NKAIN1: variants seen among roughly 807,000 people sequenced by gnomAD.
NKAIN1 encodes sodium/potassium transporting ATPase interacting 1, also known as sodium/potassium-transporting ATPase subunit beta-1-interacting protein 1.
A neutral mutation model predicts 31.6 loss-of-function variants in NKAIN1; 13 were observed. The observed-to-expected ratio is 0.41, with a 90% confidence interval of 0.27 to 0.65. NKAIN1 has a LOEUF of 0.65. Among genes scored for constraint, NKAIN1 ranks in the 30% least tolerant of loss-of-function variants. The pLI is 0.30. For missense variants in NKAIN1, 193 were observed against 262.2 expected, an observed-to-expected ratio of 0.74 and a Z score of 1.82; for synonymous variants, 104 against 109.0, an observed-to-expected ratio of 0.95 and a Z score of 0.28.
At chr1:31,202,735 T>C (rs1464921928) in intron 1 of NKAIN1, among the ~76,000 whole-genome samples, 1 of 150,750 alleles carries the variant, frequency 6.6e-6, no homozygotes, top group African/African-American at 2.4e-5. Context: ...TCCCAGCACT[T>C]TGGGAGGCCA....
chr1:31,208,313 T>C (rs866453782), intron 1 of NKAIN1, among the ~76,000 whole-genome samples: 2 of 149,254 alleles, frequency 1.3e-5, no homozygotes, highest in Middle Eastern at 3.4e-3. Flanking sequence ...TGCCATTCTT[T>C]GGTCTCCTCT....
chr1:31,220,384 T>G (rs935499140), intron 1 of NKAIN1, among the ~76,000 whole-genome samples: 1 of 152,020 alleles, frequency 6.6e-6, no homozygotes, highest in Non-Finnish European at 1.5e-5. Flanking sequence ...ACATGATCAC[T>G]GATAGCATCT....
intron 1 of NKAIN1, among the ~76,000 whole-genome samples, chr1:31,218,351 C>T (rs746965109): frequency 4.6e-5 from 7 of 152,100 alleles, no homozygotes; most frequent in African/African-American, 1.2e-4. Flanking sequence ...CATGAGCCAC[C>T]GCACCTGGCC....
chr1:31,186,930 T>A (rs1174213158), intron 2 of NKAIN1, among the ~76,000 whole-genome samples: 4 of 152,256 alleles, frequency 2.6e-5, no homozygotes, highest in Admixed American at 2.6e-4. Context: ...CCCACGGTAG[T>A]GAGCTGGAGA....
rs1645674284 is a variant in NKAIN1, at chr1:31,233,753, C to A, written c.54+5741G>T. Among the ~76,000 whole-genome samples the A allele has an allele frequency of 6.6e-6, 1 of 152,176 alleles. No homozygotes were observed. Among genetic ancestry groups the A allele is most frequent in the Admixed American group, 6.5e-5 (1 of 15,268 alleles). On this transcript the variant is annotated intron_variant, in intron 1 of 6. Coordinates refer to ENST00000373736, the MANE Select transcript of NKAIN1 (RefSeq NM_024522.3). The surrounding 1 kb of genome is among the most constrained non-coding windows in gnomAD (Gnocchi z 4.0). The stretch of plus-strand genomic sequence containing the variant: ...GCAAATCATAGCTAGCCCTGGAGAG[C>A]ACTTTCCTAGGCCAGGGACCGTACT...
intron 1 of NKAIN1, among the ~76,000 whole-genome samples, chr1:31,231,044 A>G (rs1287475886): frequency 6.6e-6 from 1 of 151,394 alleles, no homozygotes; most frequent in Non-Finnish European, 1.5e-5. Flanking sequence ...CACCATGCCC[A>G]GCTAATTTTT....
intron 1 of NKAIN1, among the ~76,000 whole-genome samples, chr1:31,199,874 G>A (rs1173801915): frequency 1.3e-5 from 2 of 152,074 alleles, no homozygotes; most frequent in East Asian, 1.9e-4. Context: ...CAGAGAGCTC[G>A]TCTGGAGACA....
At chr1:31,221,850 G>A (rs1645567412) in intron 1 of NKAIN1, among the ~76,000 whole-genome samples, 1 of 152,022 alleles carries the variant, frequency 6.6e-6, no homozygotes, top group South Asian at 2.1e-4. Context: ...GGTTTAAACA[G>A]AGGCGAGGCA....
In NKAIN1 at chr1:31,236,339, T is replaced by C. The variant is rs117501946; in HGVS notation, c.54+3155A>G. 5.9e-3 allele frequency among the ~76,000 whole-genome samples: 896 copies of C among 152,328 alleles called. 71 individuals are homozygous for C. In the East Asian group the frequency reaches 0.15, roughly 25 times the overall value. ...CACATCTATCCCAACTGAGGAAGAATGTTTCGAATTGGCCTGATTCATTGT... is the reference window on the plus strand; with the variant it reads ...CACATCTATCCCAACTGAGGAAGAACGTTTCGAATTGGCCTGATTCATTGT... On this transcript the variant is annotated intron_variant, in intron 1 of 6. Transcript: ENST00000373736.
intron 1 of NKAIN1, among the ~76,000 whole-genome samples, chr1:31,237,267 A>AT (rs1645699309): frequency 6.6e-6 from 1 of 152,156 alleles, no homozygotes; most frequent in South Asian, 2.1e-4. Flanking sequence ...AAACAAAAAC[A>AT]AAACCCCCAA....
chr1:31,201,360 A>ATTT (rs36022825), intron 1 of NKAIN1, among the ~76,000 whole-genome samples: 9 of 136,184 alleles, frequency 6.6e-5, no homozygotes, highest in Non-Finnish European at 7.7e-5. Flanking sequence ...ATCCTACCCT[A>ATTT]TTTTTTTTTT....
At chr1:31,207,543 G>A (rs1205828652) in intron 1 of NKAIN1, among the ~76,000 whole-genome samples, 1 of 152,100 alleles carries the variant, frequency 6.6e-6, no homozygotes. Flanking sequence ...TTGAGGCCAG[G>A]TGGTATTTCA....
intron 1 of NKAIN1, among the ~76,000 whole-genome samples, chr1:31,201,041 C>A (rs1645376135): frequency 6.6e-6 from 1 of 151,928 alleles, no homozygotes; most frequent in Admixed American, 6.6e-5. Context: ...CCATCTTGGT[C>A]AGGCTCACGC....
chr1:31,191,616 T>C (rs1029299812), intron 1 of NKAIN1, among the ~76,000 whole-genome samples: 7 of 152,102 alleles, frequency 4.6e-5, no homozygotes, highest in African/African-American at 1.7e-4. Flanking sequence ...ACTTGATACA[T>C]AGTGGCTAAT....
At chr1:31,235,011 A>G (rs919019667) in intron 1 of NKAIN1, among the ~76,000 whole-genome samples, 4 of 152,232 alleles carry the variant, frequency 2.6e-5, no homozygotes, top group African/African-American at 9.6e-5. Context: ...GGATGAAAGC[A>G]GTAAAAGAGC....
intron 1 of NKAIN1, among the ~76,000 whole-genome samples, chr1:31,218,868 C>A (rs1344438012): frequency 1.3e-5 from 2 of 152,222 alleles, no homozygotes; most frequent in East Asian, 3.9e-4. Context: ...AGGATGACAG[C>A]TAGCGGCAGC....
chr1:31,220,868 T>C (rs1384211552), intron 1 of NKAIN1, among the ~76,000 whole-genome samples: 1 of 152,062 alleles, frequency 6.6e-6, no homozygotes, highest in Non-Finnish European at 1.5e-5. Context: ...TTGGGGTTCA[T>C]TCAAGCATCA....
chr1:31,211,665 T>C (rs1645470383), intron 1 of NKAIN1, among the ~76,000 whole-genome samples: 1 of 151,606 alleles, frequency 6.6e-6, no homozygotes, highest in Non-Finnish European at 1.5e-5. Context: ...ATGTGGAATC[T>C]TGGCTGGGCA....
Position 31,183,940 on chromosome 1 carries a change from C to T in NKAIN1, c.348G>A (p.Leu116=), listed in dbSNP as rs1645222827. 6.2e-7 allele frequency: 1 copy of T among 1,614,102 alleles called. No individual in the cohort carries two copies. ...GGCGGGAGTTCAGAACAGGTGTCAC[C>T]AGGCAGCCTGGCCCATTCTCCATCC... ...SWWMENGPGC[L]VTPVLNSRLA... Residue 116 remains leucine (L), a synonymous_variant, in exon 4 of 7, where the codon CTG becomes CTA. Transcript: ENST00000373736.
Sources: allele counts gnomAD v4.1 joint callset (sites outside exome capture counted in the v4.1 genomes callset), GRCh38; gene constraint gnomAD v4.1.1; non-coding constraint Gnocchi (gnomAD v3.1); transcripts MANE v1.5; gene names NCBI Gene and HGNC (gene_info 2026-07-23, HGNC 2026-07-21).